ZCCHC7: variants seen among roughly 807,000 people sequenced by gnomAD.
ZCCHC7 encodes the protein zinc finger CCHC-type containing 7.
Under a neutral mutation model 52.0 loss-of-function variants are expected in ZCCHC7, and 35 were observed. The ratio of observed to expected loss-of-function variants is 0.67; its 90% CI spans 0.51 to 0.89. The LOEUF (loss-of-function observed/expected upper bound fraction) is 0.89, where lower values mean the gene tolerates loss of function less well. ZCCHC7 is among the 40% of genes least tolerant of loss of function. The pLI is 0.00. For synonymous variants in ZCCHC7, 217 were observed against 221.5 expected (o/e 0.98, Z 0.18); for missense variants, 574 against 649.1 (o/e 0.88, Z 1.26).
At chr9:37,324,330 C>G (rs946849026) in intron 5 of ZCCHC7, among the ~76,000 whole-genome samples, 1 of 152,122 alleles carries the variant, frequency 6.6e-6, no homozygotes, top group Non-Finnish European at 1.5e-5. Context: ...GGGCTGGCCG[C>G]GCTCTCATTA....
intron 2 of ZCCHC7, among the ~76,000 whole-genome samples, chr9:37,192,255 T>C (rs1180683791): frequency 6.6e-6 from 1 of 152,246 alleles, no homozygotes; most frequent in East Asian, 1.9e-4. Flanking sequence ...TAACAGCAAG[T>C]GTTAATAAGG....
chr9:37,172,908 A>T (rs191802081), intron 2 of ZCCHC7, among the ~76,000 whole-genome samples: 3 of 150,220 alleles, frequency 2.0e-5, no homozygotes, highest in Non-Finnish European at 4.4e-5. Flanking sequence ...GGGCATTCCA[A>T]TAGGGACTTG....
chr9:37,143,922 T>A (rs990761453), intron 2 of ZCCHC7, among the ~76,000 whole-genome samples: 1 of 151,862 alleles, frequency 6.6e-6, no homozygotes, highest in African/African-American at 2.4e-5. Context: ...TTATGTGAAA[T>A]TAATTTTGAT....
intron 2 of ZCCHC7, among the ~76,000 whole-genome samples, chr9:37,152,134 A>C (rs1175445539): frequency 6.6e-6 from 1 of 152,218 alleles, no homozygotes; most frequent in Non-Finnish European, 1.5e-5. Context: ...GCTCTAAAGA[A>C]AGATTTCCAA....
intron 2 of ZCCHC7, among the ~76,000 whole-genome samples, chr9:37,295,280 G>A (rs1828734289): frequency 6.6e-6 from 1 of 152,166 alleles, no homozygotes; most frequent in African/African-American, 2.4e-5. Context: ...ATTAGGCATA[G>A]CTGGAACATT....
intron 6 of ZCCHC7, among the ~76,000 whole-genome samples, chr9:37,338,389 C>T (rs536367287): frequency 3.3e-5 from 5 of 152,094 alleles, no homozygotes; most frequent in African/African-American, 9.7e-5. Context: ...TTTCGATTTA[C>T]TGAAAAAGAT....
At chr9:37,304,729 A>C (rs1829221854) in intron 4 of ZCCHC7, among the ~76,000 whole-genome samples, 1 of 152,166 alleles carries the variant, frequency 6.6e-6, no homozygotes, top group Non-Finnish European at 1.5e-5. Flanking sequence ...TATGTGTGTT[A>C]AATTTCATGT....
At chr9:37,233,942 C>T (rs1825524615) in intron 2 of ZCCHC7, among the ~76,000 whole-genome samples, 1 of 152,156 alleles carries the variant, frequency 6.6e-6, no homozygotes, top group East Asian at 1.9e-4. Flanking sequence ...CAACTTACAC[C>T]TCATGGGATC....
chr9:37,218,677 C>T (rs1166009607), intron 2 of ZCCHC7, among the ~76,000 whole-genome samples: 4 of 152,112 alleles, frequency 2.6e-5, no homozygotes, highest in African/African-American at 9.7e-5. Flanking sequence ...GGCGTGGTGG[C>T]GCGCACTTGT....
chr9:37,288,893 A>G (rs1006662195), intron 2 of ZCCHC7, among the ~76,000 whole-genome samples: 23 of 152,068 alleles, frequency 1.5e-4, no homozygotes, highest in African/African-American at 5.6e-4. Context: ...TCTAAATACC[A>G]TCTCCATGCC....
chr9:37,153,475 G>A (rs1820645624), intron 2 of ZCCHC7, among the ~76,000 whole-genome samples: 1 of 151,534 alleles, frequency 6.6e-6, no homozygotes, highest in Admixed American at 6.6e-5. Flanking sequence ...CCTGCCTGTT[G>A]TTATTATTTG....
At chr9:37,170,707 C>T (rs951251006) in intron 2 of ZCCHC7, among the ~76,000 whole-genome samples, 7 of 152,138 alleles carry the variant, frequency 4.6e-5, no homozygotes, top group East Asian at 3.8e-4. Context: ...TTCTACTCAT[C>T]GACACGTTTC....
At chr9:37,178,387 C>T (rs1170319258) in intron 2 of ZCCHC7, among the ~76,000 whole-genome samples, 1 of 133,766 alleles carries the variant, frequency 7.5e-6, no homozygotes, top group African/African-American at 2.9e-5. Context: ...TGCTTCCCCA[C>T]TGGCCGCCCC....
intron 2 of ZCCHC7, among the ~76,000 whole-genome samples, chr9:37,154,054 T>A (rs375467040): frequency 6.6e-6 from 1 of 151,922 alleles, no homozygotes; most frequent in East Asian, 1.9e-4. Context: ...CATGCCCAAC[T>A]AATTTTTTGA....
intron 2 of ZCCHC7, among the ~76,000 whole-genome samples, chr9:37,137,508 AT>A (rs1441565021): frequency 6.6e-6 from 1 of 152,180 alleles, no homozygotes; most frequent in Non-Finnish European, 1.5e-5. Flanking sequence ...ACAAGAAAGG[AT>A]TATTTATGTT....
chr9:37,219,783 G>C (rs555468479), intron 2 of ZCCHC7, among the ~76,000 whole-genome samples: 2 of 152,310 alleles, frequency 1.3e-5, no homozygotes, highest in Admixed American at 1.3e-4. Flanking sequence ...AGTAAGTTTA[G>C]GAGGAGTTCA....
intron 2 of ZCCHC7, among the ~76,000 whole-genome samples, chr9:37,129,661 G>A (rs1442062587): frequency 2.6e-5 from 4 of 152,032 alleles, no homozygotes; most frequent in African/African-American, 4.8e-5. Flanking sequence ...ATTATTTTGT[G>A]TTCTGTTTCC....
intron 5 of ZCCHC7, among the ~76,000 whole-genome samples, chr9:37,316,272 C>T (rs937905237): frequency 4.0e-5 from 6 of 151,462 alleles, no homozygotes; most frequent in Middle Eastern, 3.4e-3. Flanking sequence ...GTTGTCCAGG[C>T]TGGTCTCGAA....
chr9:37,338,232 A>T (rs1830765611), intron 6 of ZCCHC7, among the ~76,000 whole-genome samples: 1 of 152,192 alleles, frequency 6.6e-6, no homozygotes, highest in Admixed American at 6.6e-5. Context: ...TAAGCTTAAT[A>T]GCTCATTTTT....
Sources: gnomAD v4.1 joint callset for allele counts (sites outside exome capture counted in the v4.1 genomes callset) on GRCh38, gnomAD v4.1.1 for gene constraint, MANE v1.5 for transcripts, NCBI Gene and HGNC (gene_info 2026-07-23, HGNC 2026-07-21) for gene names.